The following RPRD2 variants were observed in gnomAD, a reference collection of about 807,000 sequenced individuals.
RPRD2 encodes the protein regulation of nuclear pre-mRNA domain containing 2.
A neutral mutation model predicts 104.4 loss-of-function variants in RPRD2; 12 were observed. That is an observed-to-expected ratio of 0.11 (90% CI 0.07 to 0.19). The LOEUF (loss-of-function observed/expected upper bound fraction) is 0.19. Ranked by LOEUF, RPRD2 falls within the 10% of genes least tolerant of loss-of-function variation. RPRD2 has a pLI of 1.00. For synonymous variants in RPRD2, 714 were observed against 684.9 expected (o/e 1.04, Z -0.66); for missense variants, 1,543 against 1,790.1 (o/e 0.86, Z 2.49).
chr1:150,403,676 A>G (rs1560173638), intron 1 of RPRD2, among the ~76,000 whole-genome samples: 1 of 149,422 alleles, frequency 6.7e-6, no homozygotes, highest in Non-Finnish European at 1.5e-5. Flanking sequence ...TGTGTGACAG[A>G]GTCTTGCTCT....
chr1:150,401,184 T>TA (rs782605872), intron 1 of RPRD2, among the ~76,000 whole-genome samples: 33 of 142,664 alleles, frequency 2.3e-4, no homozygotes, highest in Non-Finnish European at 3.8e-4. Flanking sequence ...CTCATAAAAA[T>TA]AAAAAAAAGA....
chr1:150,470,660 C>T lies in RPRD2; in HGVS notation c.1712C>T (p.Ser571Phe), dbSNP rs756296759. The T allele has an allele frequency of 6.2e-7, 1 of 1,614,048 alleles. No homozygotes were observed. The highest frequency in any genetic ancestry group is 8.5e-7 in the Non-Finnish European group (1 of 1,179,892). The change falls in exon 11 of 11, where the codon TCT becomes TTT. Residue 571 changes from serine to phenylalanine, a missense_variant. By Grantham distance (155) the Ser-to-Phe change is radical (BLOSUM62 -2). This residue lies in a region of RPRD2 where 572 missense variants were observed against 787.3 expected (regional missense o/e 0.73). Transcript: ENST00000369068. ...TSASPANTTV[S>F]TIKGRNLPSS... Reference sequence around the variant, plus strand: ...GCCTCCCCTGCCAACACCACAGTCTCTACCATAAAGGGAAGAAATCTGCCC... The same window carrying T: ...GCCTCCCCTGCCAACACCACAGTCTTTACCATAAAGGGAAGAAATCTGCCC...
intron 2 of RPRD2, among the ~76,000 whole-genome samples, chr1:150,421,439 C>T (rs1175849102): frequency 1.3e-5 from 2 of 151,888 alleles, no homozygotes; most frequent in Admixed American, 1.3e-4. Flanking sequence ...CATTTATTTC[C>T]TAATATGTTA....
intron 1 of RPRD2, among the ~76,000 whole-genome samples, chr1:150,388,025 T>C (rs934223815): frequency 2.0e-5 from 3 of 148,170 alleles, no homozygotes; most frequent in Non-Finnish European, 4.5e-5. Context: ...TCAGCCATCC[T>C]ACCACCTCAG....
At chr1:150,417,162 T>C (rs1664405930) in intron 1 of RPRD2, among the ~76,000 whole-genome samples, 1 of 131,488 alleles carries the variant, frequency 7.6e-6, no homozygotes, top group Non-Finnish European at 1.8e-5. Context: ...AAGTTGAGCA[T>C]GTTCAACTCA....
chr1:150,414,415 A>G (rs1045154838), intron 1 of RPRD2, among the ~76,000 whole-genome samples: 1 of 152,230 alleles, frequency 6.6e-6, no homozygotes, highest in Non-Finnish European at 1.5e-5. Flanking sequence ...AGAAATGGAA[A>G]AGATTGACTT....
intron 1 of RPRD2, among the ~76,000 whole-genome samples, chr1:150,406,368 T>A (rs1188898974): frequency 6.6e-6 from 1 of 152,172 alleles, no homozygotes; most frequent in African/African-American, 2.4e-5. Flanking sequence ...GGGTTCTTGT[T>A]AATTGTTTTC....
Position 150,471,860 on chromosome 1 carries a change from A to G in RPRD2, c.2912A>G (p.His971Arg), listed in dbSNP as rs1668608884. The change falls in exon 11 of 11, where the codon CAT becomes CGT. Residue 971 changes from histidine (H) to arginine (R), a missense_variant. Coordinates refer to ENST00000369068, the MANE Select transcript of RPRD2 (RefSeq NM_015203.5). This position sits in a 1 kb window ranked among gnomAD's most constrained non-coding sequence, Gnocchi z 5.3. ...CCAGACTCTCCTCACCCAGTCCCACATCGTTCCCTTTTCTCTCCGCAGAAC... is the reference window on the plus strand; with the variant it reads ...CCAGACTCTCCTCACCCAGTCCCACGTCGTTCCCTTTTCTCTCCGCAGAAC... ...QYPDSPHPVPHRSLFSPQNTL... is the reference protein window; with the variant it reads ...QYPDSPHPVPRRSLFSPQNTL... 1.9e-6 allele frequency: 3 copies of G among 1,613,858 alleles called. No homozygotes were observed. Among genetic ancestry groups the G allele is most frequent in the Admixed American group, 1.7e-5 (1 of 60,000 alleles).
At position 150,475,921 on chromosome 1, in the gene RPRD2, T is replaced by TA. The variant is rs1285153333; in HGVS notation, c.*2588dup. On this transcript the variant is annotated 3_prime_UTR_variant, in exon 11 of 11. Transcript: ENST00000369068. ...TGTGTCTTAGCAAGGACATGATTCA[T>TA]ATGGAAGCAGAATGTGAGAAGTTGT... is the stretch of plus-strand genomic sequence containing the variant. The TA allele has an allele frequency of 2.0e-5, 3 of 152,178 alleles. No homozygotes were observed. The highest frequency in any genetic ancestry group is 2.9e-5 in the Non-Finnish European group (2 of 68,030). 9.4% of individuals were successfully genotyped at this position (152,178 alleles called of 1,614,324 possible).
intron 9 of RPRD2, among the ~76,000 whole-genome samples, chr1:150,462,259 G>A (rs1263859052): frequency 5.9e-5 from 9 of 151,510 alleles, no homozygotes; most frequent in African/African-American, 2.2e-4. Flanking sequence ...TTCAGCCTGG[G>A]CAACAGAGCA....
intron 2 of RPRD2, 37 bp from the exon 3 acceptor site, chr1:150,440,886 G>T (rs782414134): frequency 7.8e-6 from 8 of 1,029,812 alleles, no homozygotes; most frequent in Non-Finnish European, 8.7e-6. Context: ...AGAAGTCAAG[G>T]TTTTTATAGT....
intron 2 of RPRD2, among the ~76,000 whole-genome samples, chr1:150,438,813 G>A (rs1666200187): frequency 6.6e-6 from 1 of 152,066 alleles, no homozygotes; most frequent in Non-Finnish European, 1.5e-5. Context: ...ACTATAGGCA[G>A]CTGTAACAAT....
At chr1:150,439,627 CTT>C (rs66814229) in intron 2 of RPRD2, among the ~76,000 whole-genome samples, 8 of 142,274 alleles carry the variant, frequency 5.6e-5, no homozygotes, top group Middle Eastern at 3.7e-3. Context: ...TTTGACATAG[CTT>C]TTTTTTTTTT....
At chr1:150,384,683 T>TGTGTGTTTG (rs1560155301) in intron 1 of RPRD2, among the ~76,000 whole-genome samples, 5 of 118,010 alleles carry the variant, frequency 4.2e-5, no homozygotes, top group Non-Finnish European at 6.8e-5. Context: ...GTGTGTGTGT[T>TGTGTGTTTG]TTTAGTAGAG....
intron 10 of RPRD2, among the ~76,000 whole-genome samples, chr1:150,465,095 C>T (rs1047361484): frequency 6.6e-6 from 1 of 152,032 alleles, no homozygotes; most frequent in East Asian, 1.9e-4. Flanking sequence ...TCTCAAACTC[C>T]TGGCCTCCCA....
intron 1 of RPRD2, among the ~76,000 whole-genome samples, chr1:150,372,057 A>C (rs1660349244): frequency 6.6e-6 from 1 of 152,158 alleles, no homozygotes; most frequent in Admixed American, 6.5e-5. Context: ...AACCTTTCTA[A>C]ATGTAAGGTT....
chr1:150,434,958 A>G (rs1418973499), intron 2 of RPRD2, among the ~76,000 whole-genome samples: 1 of 152,212 alleles, frequency 6.6e-6, no homozygotes, highest in Non-Finnish European at 1.5e-5. Context: ...TGTGCATTGC[A>G]GGTAATGTGG....
At chr1:150,453,029 A>C (rs587734775) in intron 7 of RPRD2, among the ~76,000 whole-genome samples, 1 of 114,804 alleles carries the variant, frequency 8.7e-6, no homozygotes, top group African/African-American at 3.3e-5. Context: ...TCTTCAATAT[A>C]TTTACTTTTT....
At position 150,387,566 on chromosome 1, in the gene RPRD2, C is replaced by CTTTTTTTTTTT. The variant is rs1661661325; in HGVS notation, c.205+22647_205+22648insTTTTTTTTTTT. On this transcript the variant is annotated intron_variant, in intron 1 of 10. Coordinates refer to ENST00000369068, the MANE Select transcript of RPRD2 (RefSeq NM_015203.5). ...TAAATCTTACAGAAGTTGCAACAGA[C>CTTTTTTTTTTT]CTTTTTTTTTTTTTTTTTTTTTTTT... is the stretch of plus-strand genomic sequence containing the variant. Among the ~76,000 whole-genome samples the CTTTTTTTTTTT allele has an allele frequency of 8.6e-5, 6 of 70,116 alleles. 1 individual carries two copies. The highest frequency in any genetic ancestry group is 1.2e-4 in the Non-Finnish European group (4 of 34,170). The allele number at this position is 70,116 out of a possible 152,430, so 46.0% of individuals were successfully genotyped here. A position where few individuals can be genotyped will look rare whatever the true frequency, so the allele number is the denominator to read the frequency against.
Sources: gnomAD v4.1 joint callset for allele counts (sites outside exome capture counted in the v4.1 genomes callset) on GRCh38, gnomAD v4.1.1 for gene constraint, gnomAD v4.1.1 regional missense constraint, Gnocchi (gnomAD v3.1) non-coding constraint, MANE v1.5 for transcripts, NCBI Gene and HGNC (gene_info 2026-07-23, HGNC 2026-07-21) for gene names.